Variants in DHRSX observed in about 807,000 individuals in gnomAD.
DHRSX encodes dehydrogenase/reductase X-linked.
A neutral mutation model predicts 34.0 loss-of-function variants in DHRSX; 31 were observed. That is an observed-to-expected ratio of 0.91 (90% confidence interval 0.69 to 1.23). DHRSX has a LOEUF of 1.23. Ranked by LOEUF, DHRSX falls within the 50% of genes most tolerant of loss-of-function variation. DHRSX has a pLI of 0.00. For synonymous variants in DHRSX, 201 were observed against 183.8 expected (o/e 1.09, Z -0.76); for missense variants, 414 against 428.1 (o/e 0.97, Z 0.29).
chrX:2,259,044 G>C (rs1204121671), intron 5 of DHRSX, among the ~76,000 whole-genome samples: 4 of 152,190 alleles, frequency 2.6e-5, no homozygotes, highest in Non-Finnish European at 5.9e-5. Flanking sequence ...GGAGGCCGAG[G>C]CGAGAGGATC....
chrX:2,410,337 G>A (rs1162541048), intron 2 of DHRSX, among the ~76,000 whole-genome samples: 5 of 152,104 alleles, frequency 3.3e-5, no homozygotes, highest in Non-Finnish European at 7.4e-5. Flanking sequence ...CAGGGGAAGC[G>A]CACAGGCTTG....
chrX:2,426,187 C>T (rs2043844590), intron 1 of DHRSX, among the ~76,000 whole-genome samples: 2 of 152,134 alleles, frequency 1.3e-5, no homozygotes, highest in South Asian at 2.1e-4. Context: ...TGCATCAGAA[C>T]ACAGAAAATA....
rs1254839643 is a variant in DHRSX, at chrX:2,393,200, TATAA to T, written c.286+15541_286+15544del. Among the ~76,000 whole-genome samples the T allele has an allele frequency of 4.7e-5, 7 of 150,266 alleles. No individual in the cohort carries two copies. The East Asian group carries it at 1.4e-3, about 29-fold the overall frequency. ...CTAAAATATTAATATAGATCAAATA[TATAA>T]ATGTGTATACAATAAATATATGAAC... On this transcript the variant is annotated intron_variant, in intron 3 of 6. Transcript: ENST00000334651.
At chrX:2,399,394 C>A (rs2043455614) in intron 3 of DHRSX, among the ~76,000 whole-genome samples, 1 of 142,264 alleles carries the variant, frequency 7.0e-6, no homozygotes, top group African/African-American at 2.8e-5. Context: ...TCAATAAGGG[C>A]CATTTTATGT....
intron 1 of DHRSX, among the ~76,000 whole-genome samples, chrX:2,477,843 A>C: frequency 6.7e-6 from 1 of 148,738 alleles, no homozygotes. Context: ...ACAGAGCAAG[A>C]CTCCGTCTCA....
intron 3 of DHRSX, among the ~76,000 whole-genome samples, chrX:2,308,573 C>CA (rs1290514317): frequency 6.6e-6 from 1 of 152,140 alleles, no homozygotes; most frequent in Admixed American, 6.6e-5. Flanking sequence ...TCTGTGTAAC[C>CA]AACCTTGTAA....
chrX:2,264,552 G>C (rs757378808), intron 5 of DHRSX, among the ~76,000 whole-genome samples: 28 of 148,016 alleles, frequency 1.9e-4, no homozygotes, highest in Non-Finnish European at 3.6e-4. Flanking sequence ...CAGACGCAGA[G>C]AGCACAATGC....
chrX:2,248,900 G>A (rs181528340), intron 5 of DHRSX, among the ~76,000 whole-genome samples: 5 of 152,202 alleles, frequency 3.3e-5, no homozygotes, highest in Admixed American at 3.3e-4. Flanking sequence ...AAAAATAGAC[G>A]GTTTCCCCTG....
At chrX:2,301,189 G>A (rs1055000654) in intron 3 of DHRSX, among the ~76,000 whole-genome samples, 3 of 152,206 alleles carry the variant, frequency 2.0e-5, no homozygotes, top group Non-Finnish European at 2.9e-5. Context: ...TGAGGCGGGC[G>A]ATCACCTGAG....
intron 2 of DHRSX, among the ~76,000 whole-genome samples, chrX:2,417,941 C>G (rs2043717097): frequency 6.6e-6 from 1 of 151,810 alleles, no homozygotes; most frequent in Non-Finnish European, 1.5e-5. Flanking sequence ...TGATCTAATA[C>G]AACCAAACCT....
At chrX:2,296,371 AAAG>A (rs915148423) in intron 3 of DHRSX, among the ~76,000 whole-genome samples, 16 of 152,332 alleles carry the variant, frequency 1.1e-4, no homozygotes, top group African/African-American at 3.6e-4. Flanking sequence ...GAAAAAGAGA[AAAG>A]AAGAAAAGGG....
intron 1 of DHRSX, among the ~76,000 whole-genome samples, chrX:2,466,170 GGCGC>G (rs2044492820): frequency 6.6e-6 from 1 of 152,132 alleles, no homozygotes; most frequent in Non-Finnish European, 1.5e-5. Flanking sequence ...TGGGCGTGGC[GGCGC>G]ATGCCTGTAA....
rs921953170 is a variant in DHRSX at position 2,375,931 on chromosome X, G to A, written c.286+32814C>T. ...CAGGCTGGAGCCACTGCACCCGGCC[G>A]GCTCAGTGGGTTTTAGGAGCATCCC... On this transcript the variant is annotated intron_variant, in intron 3 of 6. Coordinates refer to ENST00000334651, the MANE Select transcript of DHRSX (RefSeq NM_145177.3). 5.9e-5 allele frequency among the ~76,000 whole-genome samples: 8 copies of A among 135,734 alleles called. 1 individual carries two copies. Among genetic ancestry groups the A allele is most frequent in the African/African-American group, 1.5e-4 (6 of 40,266 alleles). The allele number at this position is 135,734 out of a possible 152,430, so 89.0% of individuals were successfully genotyped here. A position where few individuals can be genotyped will look rare whatever the true frequency, so the allele number is the denominator to read the frequency against.
chrX:2,489,570 G>A (rs2045065501), intron 1 of DHRSX: 1 of 1,612,564 alleles, frequency 6.2e-7, no homozygotes. Context: ...TCCAGCATGA[G>A]GTGGTGGTTG....
At chrX:2,226,225 A>G (rs1332471613) in intron 6 of DHRSX, among the ~76,000 whole-genome samples, 1 of 152,170 alleles carries the variant, frequency 6.6e-6, no homozygotes, top group East Asian at 1.9e-4. Context: ...CCTCTTTTCC[A>G]GGAAACAGGC....
intron 3 of DHRSX, among the ~76,000 whole-genome samples, chrX:2,400,895 A>G (rs970352875): frequency 2.0e-5 from 3 of 152,190 alleles, no homozygotes; most frequent in Admixed American, 1.3e-4. Context: ...ATGATGGTTC[A>G]CAAAGATCTA....
intron 5 of DHRSX, among the ~76,000 whole-genome samples, chrX:2,247,348 C>G (rs1022354906): frequency 6.7e-5 from 10 of 149,778 alleles, no homozygotes; most frequent in African/African-American, 2.5e-4. Flanking sequence ...CAGAGCAGAC[C>G]CTGAAACTAT....
intron 3 of DHRSX, among the ~76,000 whole-genome samples, chrX:2,325,208 C>A (rs1009280318): frequency 1.3e-5 from 2 of 152,060 alleles, no homozygotes; most frequent in Non-Finnish European, 2.9e-5. Flanking sequence ...GGACTAGACA[C>A]GTTCAAGATG....
chrX:2,412,244 G>A (rs1170574939), intron 2 of DHRSX, among the ~76,000 whole-genome samples: 1 of 152,146 alleles, frequency 6.6e-6, no homozygotes, highest in African/African-American at 2.4e-5. Context: ...ATGGAAATTG[G>A]TATAGCCATT....
Sources: allele counts gnomAD v4.1 joint callset (sites outside exome capture counted in the v4.1 genomes callset), GRCh38; gene constraint gnomAD v4.1.1; transcripts MANE v1.5; gene names NCBI Gene and HGNC (gene_info 2026-07-23, HGNC 2026-07-21).